Variants in VPS13D observed in about 807,000 individuals in gnomAD.
VPS13D encodes vacuolar protein sorting 13 homolog D, also known as intermembrane lipid transfer protein VPS13D.
A neutral mutation model predicts 461.9 loss-of-function variants in VPS13D; 187 were observed. That is an observed-to-expected ratio of 0.40 (90% confidence interval 0.36 to 0.46). VPS13D has a LOEUF of 0.46. VPS13D is among the 20% of genes least tolerant of loss of function. The pLI, the probability that VPS13D is intolerant of heterozygous loss-of-function variation, is 0.60. For synonymous variants in VPS13D, 1,951 were observed against 1,986.3 expected (o/e 0.98, Z 0.47); for missense variants, 4,711 against 5,364.9 (o/e 0.88, Z 3.81).
At chr1:12,248,329 T>C (rs746560024) in intron 5 of VPS13D, among the ~76,000 whole-genome samples, 2 of 144,784 alleles carry the variant, frequency 1.4e-5, no homozygotes, top group African/African-American at 4.9e-5. Flanking sequence ...CTTTCTGTTA[T>C]TATTATTATT....
chr1:12,238,429 C>A (rs1387906174), intron 2 of VPS13D, among the ~76,000 whole-genome samples: 3 of 151,414 alleles, frequency 2.0e-5, no homozygotes, highest in Non-Finnish European at 2.9e-5. Context: ...CAGAGTGAGA[C>A]CCTATCTCTA....
In VPS13D at chr1:12,372,730, G is replaced by C. The variant is rs188502079; in HGVS notation, c.10809-1020G>C. Among the ~76,000 whole-genome samples the C allele has an allele frequency of 1.5e-4, 23 of 151,542 alleles. No individual in the cohort carries two copies. The East Asian group carries it at 4.4e-3, about 29-fold the overall frequency. On this transcript the variant is annotated intron_variant, in intron 54 of 69. Coordinates refer to ENST00000620676, the MANE Select transcript of VPS13D (RefSeq NM_015378.4). The stretch of plus-strand genomic sequence containing the variant: ...GGTCACATATAATTTATCTGCTTTG[G>C]GGGGAACAAAGATTACTTGTGCTTT...
intron 60 of VPS13D, among the ~76,000 whole-genome samples, chr1:12,391,448 T>C (rs561669046): frequency 3.6e-4 from 55 of 152,182 alleles, no homozygotes; most frequent in Non-Finnish European, 7.1e-4. Context: ...CACTTCCTCA[T>C]GTAACTTACT....
chr1:12,296,010 A>G (rs1322582765), intron 24 of VPS13D, among the ~76,000 whole-genome samples: 4 of 152,322 alleles, frequency 2.6e-5, no homozygotes, highest in Middle Eastern at 6.8e-3. Context: ...GATAAGATTC[A>G]TTCATATTGT....
chr1:12,243,994 G>A (rs979284104), intron 3 of VPS13D, among the ~76,000 whole-genome samples: 8 of 152,306 alleles, frequency 5.3e-5, no homozygotes, highest in Admixed American at 3.9e-4. Context: ...CTAGAGGAGG[G>A]ATGTTACTGT....
chr1:12,476,781 G>A (rs917805999), intron 67 of VPS13D, among the ~76,000 whole-genome samples: 11 of 152,150 alleles, frequency 7.2e-5, no homozygotes, highest in African/African-American at 1.4e-4. Context: ...TCTGTGATCC[G>A]TGGCACCTCC....
chr1:12,263,076 A>G (rs1641163138), intron 13 of VPS13D, among the ~76,000 whole-genome samples: 1 of 152,072 alleles, frequency 6.6e-6, no homozygotes, highest in Non-Finnish European at 1.5e-5. Context: ...TGTGTTATTG[A>G]TTTATTAACA....
At chr1:12,401,741 G>T in intron 62 of VPS13D, 37 bp downstream of exon 62, 1 of 1,554,188 alleles carries the variant, frequency 6.4e-7, no homozygotes, top group Non-Finnish European at 8.9e-7. Flanking sequence ...TTTGGGAATT[G>T]GTCCAAAGAT....
chr1:12,241,380 T>G (rs1259232701), intron 2 of VPS13D, among the ~76,000 whole-genome samples: 1 of 152,286 alleles, frequency 6.6e-6, no homozygotes, highest in Non-Finnish European at 1.5e-5. Context: ...GGTTGTTGTC[T>G]GTACTCCGTG....
intron 9 of VPS13D, among the ~76,000 whole-genome samples, chr1:12,257,343 G>A (rs944672991): frequency 6.6e-6 from 1 of 152,208 alleles, no homozygotes; most frequent in Admixed American, 6.5e-5. Flanking sequence ...CATTTAGCAA[G>A]TAGACTGATG....
intron 65 of VPS13D, among the ~76,000 whole-genome samples, chr1:12,434,594 C>T (rs1192350283): frequency 6.6e-6 from 1 of 151,696 alleles, no homozygotes; most frequent in African/African-American, 2.4e-5. Flanking sequence ...CCTGTGTATT[C>T]CCCCCACCCC....
chr1:12,292,221 T>C (rs1205746457), intron 23 of VPS13D, among the ~76,000 whole-genome samples: 4 of 122,288 alleles, frequency 3.3e-5, no homozygotes, highest in African/African-American at 1.3e-4. Context: ...ATTGTGCCAC[T>C]GCACCACTCC....
rs919294969 is a variant in VPS13D, at chr1:12,495,925, G to C, written c.12663-1575G>C. ...CCAAGCTCCTTCCCCCAACCCCGCTGCCTGCAGAGGTTACCAGCATCCTCT... is the reference window on the plus strand; with the variant it reads ...CCAAGCTCCTTCCCCCAACCCCGCTCCCTGCAGAGGTTACCAGCATCCTCT... On this transcript the variant is annotated intron_variant, in intron 67 of 69. Coordinates refer to ENST00000620676, the MANE Select transcript of VPS13D (RefSeq NM_015378.4). The surrounding 1 kb of genome is among the most constrained non-coding windows in gnomAD (Gnocchi z 4.0). 6.6e-6 allele frequency among the ~76,000 whole-genome samples: 1 copy of C among 152,218 alleles called. No homozygotes were observed. Among genetic ancestry groups the C allele is most frequent in the Non-Finnish European group, 1.5e-5 (1 of 68,034 alleles).
chr1:12,260,850 A>G, intron 11 of VPS13D, 56 bp downstream of exon 11: 3 of 1,605,484 alleles, frequency 1.9e-6, no homozygotes, highest in Admixed American at 1.7e-5. Flanking sequence ...TGAGTGCTAC[A>G]GTTTTGATGT....
chr1:12,359,585 T>C (rs1199884703), intron 50 of VPS13D, among the ~76,000 whole-genome samples: 1 of 152,228 alleles, frequency 6.6e-6, no homozygotes, highest in Non-Finnish European at 1.5e-5. Flanking sequence ...CATAGTTCCT[T>C]CCTAGAGCAA....
intron 2 of VPS13D, among the ~76,000 whole-genome samples, chr1:12,238,556 G>T (rs551838501): frequency 8.0e-5 from 12 of 150,722 alleles, no homozygotes; most frequent in African/African-American, 2.9e-4. Flanking sequence ...TATTTGTATT[G>T]TTGTGAGGAT....
chr1:12,451,926 T>G (rs1295576063), intron 65 of VPS13D, among the ~76,000 whole-genome samples: 1 of 152,238 alleles, frequency 6.6e-6, no homozygotes, highest in Admixed American at 6.5e-5. Flanking sequence ...TACCTAATCC[T>G]TACAGCATCT....
chr1:12,243,707 G>T (rs764355374), intron 3 of VPS13D, among the ~76,000 whole-genome samples: 8 of 152,138 alleles, frequency 5.3e-5, no homozygotes, highest in South Asian at 2.1e-4. Context: ...CAATTCTACC[G>T]AGCCGTTTGG....
At position 12,510,523 on chromosome 1, in the gene VPS13D, G is replaced by GTC. The variant is rs1398475391; in HGVS notation, c.*1501_*1502dup. 6.9e-6 allele frequency: 1 copy of GTC among 144,570 alleles called. No individual in the cohort carries two copies. 9.0% of individuals were successfully genotyped at this position (144,570 alleles called of 1,614,324 possible). On this transcript the variant is annotated 3_prime_UTR_variant, in exon 70 of 70. Coordinates refer to ENST00000620676, the MANE Select transcript of VPS13D (RefSeq NM_015378.4). Reference sequence around the variant, plus strand: ...TCTCCCACTTCCCCTCTGTGTCTGTGTCTGTGTGTGTGTGTGTGTGTGTGT... The same window carrying GTC: ...TCTCCCACTTCCCCTCTGTGTCTGTGTCTCTGTGTGTGTGTGTGTGTGTGTGT...
Sources: gnomAD v4.1 joint callset for allele counts (sites outside exome capture counted in the v4.1 genomes callset) on GRCh38, gnomAD v4.1.1 for gene constraint, Gnocchi (gnomAD v3.1) non-coding constraint, MANE v1.5 for transcripts, NCBI Gene and HGNC (gene_info 2026-07-23, HGNC 2026-07-21) for gene names.